Variants in ZBTB37 observed in about 807,000 individuals in gnomAD.
ZBTB37 encodes the protein zinc finger and BTB domain containing 37, also known as zinc finger and BTB domain-containing protein 37.
A neutral mutation model predicts 37.7 loss-of-function variants in ZBTB37; 15 were observed. The ratio of observed to expected loss-of-function variants is 0.40; its 90% CI spans 0.27 to 0.61. The LOEUF (loss-of-function observed/expected upper bound fraction) is 0.61, where lower values mean the gene tolerates loss of function less well. ZBTB37 is among the 20% of genes least tolerant of loss of function. The probability of loss-of-function intolerance (pLI) is 0.44; values close to 1 mark genes in which losing one functional copy is unlikely to be tolerated. For missense variants in ZBTB37, 514 were observed against 641.9 expected (o/e 0.80, Z 2.15); for synonymous variants, 231 against 220.6 (o/e 1.05, Z -0.42).
At chr1:173,873,678 A>G (rs1462502298) in intron 4 of ZBTB37, 112 bp downstream of exon 4, 1 of 1,467,134 alleles carries the variant, frequency 6.8e-7, no homozygotes, top group Admixed American at 2.4e-5. Flanking sequence ...TGGCCCTGTT[A>G]AAGAAATACT....
exon 4 of ZBTB37, chr1:173,892,650 A>G (rs1007393849): frequency 4.0e-5 from 6 of 151,434 alleles, no homozygotes; most frequent in Non-Finnish European, 8.8e-5. Context: ...ATTACTTGAA[A>G]CCCCCATTAT....
intron 4 of ZBTB37, among the ~76,000 whole-genome samples, chr1:173,880,155 T>C (rs541401799): frequency 2.6e-5 from 4 of 152,330 alleles, no homozygotes; most frequent in East Asian, 1.9e-4. Flanking sequence ...CGTTTTCTTA[T>C]CTTCTTTGTA....
intron 4 of ZBTB37, among the ~76,000 whole-genome samples, chr1:173,876,333 T>G (rs1655966423): frequency 6.6e-6 from 1 of 152,204 alleles, no homozygotes; most frequent in African/African-American, 2.4e-5. Context: ...TTACTTTTTT[T>G]TTTAGATGGA....
intron 4 of ZBTB37, among the ~76,000 whole-genome samples, chr1:173,875,147 T>C (rs955115116): frequency 7.2e-6 from 1 of 138,140 alleles, no homozygotes; most frequent in South Asian, 2.2e-4. Flanking sequence ...TGTGTGTGTG[T>C]GTGTGTGTGT....
chr1:173,894,771 T>C (rs1368080089), exon 4 of ZBTB37: 7 of 152,264 alleles, frequency 4.6e-5, no homozygotes, highest in Admixed American at 4.6e-4. Flanking sequence ...TGTCCAGGAC[T>C]TGGGGCTATT....
intron 4 of ZBTB37, among the ~76,000 whole-genome samples, chr1:173,881,709 T>C (rs1057129916): frequency 2.6e-5 from 4 of 152,160 alleles, no homozygotes; most frequent in African/African-American, 7.2e-5. Flanking sequence ...TGGCCAGTGA[T>C]GGTGAGCATT....
At chr1:173,871,230 A>C in intron 3 of ZBTB37, 82 bp downstream of exon 3, 4 of 1,321,592 alleles carry the variant, frequency 3.0e-6, no homozygotes, top group Non-Finnish European at 4.0e-6. Flanking sequence ...TACAGAGAGC[A>C]TTTTCCTTAC....
At chr1:173,891,656 G>C (rs1390167974) in exon 4 of ZBTB37, 2 of 152,148 alleles carry the variant, frequency 1.3e-5, no homozygotes, top group South Asian at 2.1e-4. Context: ...AGCCGGGTGT[G>C]ACAGCAGACA....
chr1:173,868,560 C>T (rs762175061), intron 1 of ZBTB37, among the ~76,000 whole-genome samples, 155 bp downstream of exon 1: 1 of 152,220 alleles, frequency 6.6e-6, no homozygotes, highest in Admixed American at 6.5e-5. Context: ...CCTTCCACCC[C>T]CTTGGCCCCC....
chr1:173,876,465 A>AT (rs899274203), intron 4 of ZBTB37, among the ~76,000 whole-genome samples: 13 of 151,972 alleles, frequency 8.6e-5, no homozygotes, highest in African/African-American at 2.7e-4. Context: ...CTACAGGTGC[A>AT]TGCTACCACG....
intron 4 of ZBTB37, 119 bp from the exon 5 acceptor site, chr1:173,885,517 G>T: frequency 1.2e-6 from 1 of 861,212 alleles, no homozygotes; most frequent in South Asian, 2.0e-5. Flanking sequence ...TTTTCTGTTT[G>T]ATCCGCCACT....
chr1:173,883,126 C>G (rs917026726), intron 4 of ZBTB37, among the ~76,000 whole-genome samples: 10 of 152,142 alleles, frequency 6.6e-5, no homozygotes, highest in African/African-American at 2.4e-4. Flanking sequence ...ATTATGCATT[C>G]ATCGCATAAT....
chr1:173,884,346 TG>T (rs1187597517), intron 4 of ZBTB37, among the ~76,000 whole-genome samples: 1 of 152,020 alleles, frequency 6.6e-6, no homozygotes, highest in Non-Finnish European at 1.5e-5. Flanking sequence ...TTTGTACAGG[TG>T]GGGTCTTGCT....
chr1:173,885,699 T>C, exon 5 of ZBTB37: 1 of 1,551,986 alleles, frequency 6.4e-7, no homozygotes, highest in South Asian at 1.2e-5. Context: ...GCAGGAAGTA[T>C]CTGAGCGGTG....
rs1464708242 is a variant in ZBTB37 at position 173,879,718 on chromosome 1, C to T, written c.1024-5918C>T. On this transcript the variant is annotated intron_variant, in intron 4 of 4. Coordinates refer to ENST00000427304, the Ensembl canonical transcript of ZBTB37. ...TGTAATCCCAGCACTTTGGGAGGCC[C>T]AGGTATGTGGATCACCTGAGGTCAT... is the stretch of plus-strand genomic sequence containing the variant. Among the ~76,000 whole-genome samples the T allele has an allele frequency of 2.0e-5, 3 of 152,042 alleles. No homozygotes were observed. In the East Asian group the frequency reaches 5.8e-4, roughly 29 times the overall value.
exon 4 of ZBTB37, chr1:173,893,887 G>A (rs1038968178): frequency 6.6e-6 from 1 of 152,138 alleles, no homozygotes; most frequent in African/African-American, 2.4e-5. Context: ...ATGAACCCAA[G>A]GTTACATAAC....
intron 4 of ZBTB37, among the ~76,000 whole-genome samples, chr1:173,873,816 CAAATT>C (rs1655730810): frequency 6.6e-6 from 1 of 152,092 alleles, no homozygotes; most frequent in Non-Finnish European, 1.5e-5. Context: ...AGAACATTAA[CAAATT>C]AACACTGATA....
intron 4 of ZBTB37, among the ~76,000 whole-genome samples, chr1:173,882,434 G>T (rs1389210875): frequency 2.0e-5 from 3 of 151,670 alleles, no homozygotes; most frequent in African/African-American, 4.8e-5. Flanking sequence ...TAGAGACAGG[G>T]TTTCACCATA....
Position 173,873,462 on chromosome 1 carries a change from A to G in ZBTB37, c.924-5A>G. ...TTAGTCCCCTTTATGTTCCTCTTCC[A>G]ACAGATTTAGCCCCTCCGGCAGTGT... On this transcript the variant is annotated splice_region_variant and splice_polypyrimidine_tract_variant and intron_variant, in intron 3 of 4. Coordinates refer to ENST00000427304, the Ensembl canonical transcript of ZBTB37. 1 of 1,598,978 alleles carries G rather than the reference A, an allele frequency of 6.3e-7. No individual in the cohort carries two copies. The highest frequency in any genetic ancestry group is 8.5e-7 in the Non-Finnish European group (1 of 1,174,236).
Sources: allele counts gnomAD v4.1 joint callset (sites outside exome capture counted in the v4.1 genomes callset), GRCh38; gene constraint gnomAD v4.1.1; transcripts MANE v1.5; gene names NCBI Gene and HGNC (gene_info 2026-07-23, HGNC 2026-07-21).